Variants in PRKCE observed in about 807,000 individuals in gnomAD.
PRKCE encodes the protein protein kinase C epsilon type.
A neutral mutation model predicts 85.4 loss-of-function variants in PRKCE; 16 were observed. The ratio of observed to expected loss-of-function variants is 0.19; its 90% CI spans 0.13 to 0.28. The LOEUF is 0.28. Ranked by LOEUF, PRKCE falls within the 10% of genes least tolerant of loss-of-function variation. The pLI is 1.00. For missense variants in PRKCE, 573 were observed against 975.2 expected, an observed-to-expected ratio of 0.59 and a Z score of 5.49; for synonymous variants, 388 against 371.5, an observed-to-expected ratio of 1.04 and a Z score of -0.51.
chr2:45,939,502 C>A (rs755424188), intron 2 of PRKCE, among the ~76,000 whole-genome samples: 1 of 152,120 alleles, frequency 6.6e-6, no homozygotes, highest in Non-Finnish European at 1.5e-5. Flanking sequence ...ATTTCAACCC[C>A]AAGTCACTAA....
chr2:46,024,544 C>CT (rs1706949269), intron 10 of PRKCE, among the ~76,000 whole-genome samples: 2 of 152,056 alleles, frequency 1.3e-5, no homozygotes, highest in South Asian at 4.1e-4. Context: ...TTATCGGGAA[C>CT]ACTTGTGTGC....
intron 10 of PRKCE, among the ~76,000 whole-genome samples, chr2:46,022,470 A>G (rs1250150439): frequency 6.6e-6 from 1 of 152,164 alleles, no homozygotes; most frequent in African/African-American, 2.4e-5. Flanking sequence ...TTCTACAGGG[A>G]AAGTCACATG....
intron 2 of PRKCE, among the ~76,000 whole-genome samples, chr2:45,866,306 G>A (rs1446165182): frequency 6.6e-6 from 1 of 151,800 alleles, no homozygotes; most frequent in East Asian, 1.9e-4. Flanking sequence ...TTAATTAATT[G>A]ATTTTTATTT....
rs4953322 is a variant in PRKCE, at chr2:46,185,094, T to A, written c.*213T>A. 1 of 607,212 alleles carries A rather than the reference T, an allele frequency of 1.6e-6. No individual in the cohort carries two copies. The highest frequency in any genetic ancestry group is 1.9e-5 in the African/African-American group (1 of 53,976). The allele number at this position is 607,212 out of a possible 1,614,324, so 37.6% of individuals were successfully genotyped here. On this transcript the variant is annotated 3_prime_UTR_variant, in exon 15 of 15. Coordinates refer to ENST00000306156, the MANE Select transcript of PRKCE (RefSeq NM_005400.3). This position sits in a 1 kb window ranked among gnomAD's most constrained non-coding sequence, Gnocchi z 4.7. ...GCGCTCTCGGTTCTTGTCTCACCAG[T>A]AATGCAGACTCATTGGGTCAGCAAT...
chr2:45,971,600 A>G (rs1266447936), intron 2 of PRKCE, among the ~76,000 whole-genome samples: 1 of 152,232 alleles, frequency 6.6e-6, no homozygotes, highest in African/African-American at 2.4e-5. Flanking sequence ...TGTAAGTGTA[A>G]GAGATTGAGA....
At chr2:45,779,649 C>A (rs906269214) in intron 1 of PRKCE, among the ~76,000 whole-genome samples, 1 of 151,366 alleles carries the variant, frequency 6.6e-6, no homozygotes, top group Non-Finnish European at 1.5e-5. Flanking sequence ...CCTATTCTCC[C>A]CCAGAAAACA....
intron 6 of PRKCE, among the ~76,000 whole-genome samples, chr2:45,992,380 C>G (rs900957256): frequency 4.6e-5 from 7 of 152,162 alleles, no homozygotes; most frequent in African/African-American, 1.7e-4. Context: ...GATCAGGACT[C>G]CAAAATCTCT....
In PRKCE at chr2:45,820,295, G is replaced by C. The variant is rs1351853960; in HGVS notation, c.349-22705G>C. Among the ~76,000 whole-genome samples, 3 of 152,152 alleles carry C rather than the reference G, an allele frequency of 2.0e-5. No homozygotes were observed. The East Asian group carries it at 5.8e-4, about 29-fold the overall frequency. On this transcript the variant is annotated intron_variant, in intron 1 of 14. Transcript: ENST00000306156. Reference sequence around the variant, plus strand: ...ACATGTGGGGAGAGGGTAATCTCCAGGGACCAGCAAGAAGGATACGGGTGT... The same window carrying C: ...ACATGTGGGGAGAGGGTAATCTCCACGGACCAGCAAGAAGGATACGGGTGT...
At chr2:45,811,017 C>T (rs1036350311) in intron 1 of PRKCE, among the ~76,000 whole-genome samples, 2 of 152,188 alleles carry the variant, frequency 1.3e-5, no homozygotes, top group Non-Finnish European at 2.9e-5. Flanking sequence ...CTTTCTCTTA[C>T]GGAAAGTTCC....
intron 2 of PRKCE, among the ~76,000 whole-genome samples, chr2:45,874,878 T>G (rs1415849097): frequency 6.6e-6 from 1 of 152,196 alleles, no homozygotes; most frequent in Non-Finnish European, 1.5e-5. Context: ...TCTACTTGCC[T>G]AGTTCTGGCC....
At chr2:45,847,914 T>C (rs1002606431) in intron 2 of PRKCE, among the ~76,000 whole-genome samples, 4 of 152,244 alleles carry the variant, frequency 2.6e-5, no homozygotes, top group Non-Finnish European at 4.4e-5. Flanking sequence ...GGTTGGATCC[T>C]TCTCAGGTTG....
intron 11 of PRKCE, among the ~76,000 whole-genome samples, chr2:46,126,456 A>G (rs888686038): frequency 6.6e-6 from 1 of 152,062 alleles, no homozygotes; most frequent in Non-Finnish European, 1.5e-5. Flanking sequence ...CCCATGGGGG[A>G]GTCCATGAAT....
In PRKCE at chr2:46,182,092, C is replaced by T. The variant is rs553724475; in HGVS notation, c.2068-2643C>T. On this transcript the variant is annotated intron_variant, in intron 14 of 14. Coordinates refer to ENST00000306156, the MANE Select transcript of PRKCE (RefSeq NM_005400.3). The stretch of plus-strand genomic sequence containing the variant: ...ACCCCTACTACTCCATTATCCCCTT[C>T]GGCTCCAGCTCCCCCGGCGTGGATG... Among the ~76,000 whole-genome samples, 6 of 152,280 alleles carry T rather than the reference C, an allele frequency of 3.9e-5. No individual in the cohort carries two copies. The East Asian group carries it at 9.7e-4, about 25-fold the overall frequency.
chr2:46,011,814 A>G (rs1391114679), intron 10 of PRKCE, among the ~76,000 whole-genome samples: 1 of 152,170 alleles, frequency 6.6e-6, no homozygotes, highest in African/African-American at 2.4e-5. Flanking sequence ...TGCCCATTCC[A>G]TACTGAGGAA....
intron 1 of PRKCE, among the ~76,000 whole-genome samples, chr2:45,841,051 G>A (rs1691304777): frequency 6.6e-6 from 1 of 152,150 alleles, no homozygotes; most frequent in Non-Finnish European, 1.5e-5. Flanking sequence ...TTTCCTAAGA[G>A]ACAGTGAGCT....
rs1267580791 is a variant in PRKCE at position 46,118,773 on chromosome 2, A to G, written c.1593-26320A>G. On this transcript the variant is annotated intron_variant, in intron 11 of 14. Transcript: ENST00000306156. ...TAAGAATGAAGATCCCTAGAGATGG[A>G]TGGGAGTCGCTGTGGAATCTGGCAG... 2.6e-5 allele frequency among the ~76,000 whole-genome samples: 4 copies of G among 152,178 alleles called. No individual in the cohort carries two copies. In the East Asian group the frequency reaches 7.7e-4, roughly 29 times the overall value.
chr2:46,010,457 T>G lies in PRKCE; in HGVS notation c.1377T>G (p.Ile459Met), dbSNP rs988291214. ...DVDCTMTEKR[I>M]LALARKHPYL... ...ACTGCACAATGACAGAGAAGAGGAT[T>G]TTGGCTCTGGCACGGAAACACCCGT... The change falls in exon 10 of 15, where the codon ATT becomes ATG. Residue 459 changes from isoleucine (I) to methionine (M), a missense_variant. Around this residue, in one of 11 missense-constraint regions of PRKCE, gnomAD observed 89 missense variants for 154.1 expected, o/e 0.58. Coordinates refer to ENST00000306156, the MANE Select transcript of PRKCE (RefSeq NM_005400.3). 1 of 1,599,564 alleles carries G rather than the reference T, an allele frequency of 6.3e-7. No homozygotes were observed. The highest frequency in any genetic ancestry group is 8.5e-7 in the Non-Finnish European group (1 of 1,179,938).
chr2:45,909,215 T>A (rs1697201865), intron 2 of PRKCE, among the ~76,000 whole-genome samples: 1 of 152,230 alleles, frequency 6.6e-6, no homozygotes, highest in African/African-American at 2.4e-5. Context: ...ATGGTCATTA[T>A]TTTATTTGAT....
rs374425879 is a variant in PRKCE at position 45,838,895 on chromosome 2, C to T, written c.349-4105C>T. 3.3e-3 allele frequency among the ~76,000 whole-genome samples: 501 copies of T among 152,254 alleles called. 3 individuals carry two copies. The highest frequency in any genetic ancestry group is 0.011 in the African/African-American group (475 of 41,534). On this transcript the variant is annotated intron_variant, in intron 1 of 14. Transcript: ENST00000306156. ...TTGTTATAGTAGAAATAACATTGGA[C>T]TAAGAAGCAGAAGACTTGCCTTTTT...
Sources: gnomAD v4.1 joint callset for allele counts (sites outside exome capture counted in the v4.1 genomes callset) on GRCh38, gnomAD v4.1.1 for gene constraint, gnomAD v4.1.1 regional missense constraint, Gnocchi (gnomAD v3.1) non-coding constraint, MANE v1.5 for transcripts, NCBI Gene and HGNC (gene_info 2026-07-23, HGNC 2026-07-21) for gene names.